The following CLPTM1 variants were observed in gnomAD, a reference collection of about 807,000 sequenced individuals.
The protein encoded by CLPTM1 is CLPTM1 regulator of GABA type A receptor forward trafficking.
A neutral mutation model predicts 77.3 loss-of-function variants in CLPTM1; 21 were observed. The observed-to-expected ratio is 0.27, with a 90% CI of 0.19 to 0.39. The LOEUF (loss-of-function observed/expected upper bound fraction) is 0.39, where lower values mean the gene tolerates loss of function less well. CLPTM1 is among the 10% of genes least tolerant of loss of function. The pLI, the probability that CLPTM1 is intolerant of heterozygous loss-of-function variation, is 1.00. For missense variants in CLPTM1, 642 were observed against 921.2 expected (o/e 0.70, Z 3.92); for synonymous variants, 373 against 381.0 (o/e 0.98, Z 0.24).
intron 8 of CLPTM1, 52 bp from the exon 9 acceptor site, chr19:44,988,028 G>C (rs1971009023): frequency 1.4e-6 from 2 of 1,382,050 alleles, no homozygotes; most frequent in Admixed American, 1.7e-5. Context: ...ACAAAAGCTA[G>C]TGAAGGTGCT....
At chr19:44,954,726 A>G, upstream of CLPTM1, 1 of 1,236,872 alleles carries the variant, frequency 8.1e-7, no homozygotes, top group South Asian at 2.1e-5. Context: ...GGGAACGCGC[A>G]TGCGTGCTAG....
intron 5 of CLPTM1, among the ~76,000 whole-genome samples, chr19:44,979,738 G>A (rs1037838831): frequency 5.9e-5 from 9 of 152,182 alleles, no homozygotes; most frequent in East Asian, 3.9e-4. Context: ...TGTCCCACCC[G>A]GCTGACGTCC....
intron 9 of CLPTM1, among the ~76,000 whole-genome samples, chr19:44,989,450 G>C (rs911998848): frequency 1.3e-5 from 2 of 150,552 alleles, no homozygotes; most frequent in African/African-American, 4.9e-5. Flanking sequence ...CTGCTCCCAC[G>C]AGAACCCACC....
Position 44,955,428 on chromosome 19 carries a change from C to T in CLPTM1, c.33C>T (p.Arg11=), listed in dbSNP as rs1268754035. The T allele has an allele frequency of 6.7e-6, 9 of 1,337,548 alleles. No individual in the cohort carries two copies. The highest frequency in any genetic ancestry group is 2.8e-4 in the Middle Eastern group (1 of 3,584). 82.9% of individuals were successfully genotyped at this position (1,337,548 alleles called of 1,614,324 possible). Reference sequence around the variant, plus strand: ...CGGCGCAGGAGGCGGACGGGGCCCGCAGCGCCGTGGTGGCGGCCGGGGGAG... The same window carrying T: ...CGGCGCAGGAGGCGGACGGGGCCCGTAGCGCCGTGGTGGCGGCCGGGGGAG... MAAAQEADGA[R]SAVVAAGGGS... is the part of the protein sequence containing the mutation. The change falls in exon 1 of 14, where the codon CGC becomes CGT. Residue 11 remains arginine (R), a synonymous_variant. Coordinates refer to ENST00000337392, the MANE Select transcript of CLPTM1 (RefSeq NM_001294.4).
chr19:44,975,535 T>C (rs1970792479), intron 4 of CLPTM1, among the ~76,000 whole-genome samples: 1 of 152,134 alleles, frequency 6.6e-6, no homozygotes, highest in Non-Finnish European at 1.5e-5. Context: ...AGAAGCAGAA[T>C]GTGGACACAG....
chr19:44,975,569 T>TG (rs1463541093), intron 4 of CLPTM1, among the ~76,000 whole-genome samples: 16 of 151,934 alleles, frequency 1.1e-4, no homozygotes, highest in African/African-American at 3.9e-4. Context: ...TTTTTTTGTT[T>TG]TTTGTTTTTT....
chr19:44,969,648 G>T (rs927997137), intron 2 of CLPTM1, among the ~76,000 whole-genome samples: 12 of 150,128 alleles, frequency 8.0e-5, no homozygotes, highest in Admixed American at 5.3e-4. Context: ...CAGGAGAGAA[G>T]AATAAATCAA....
At chr19:44,955,830 T>C (rs1473545604) in intron 1 of CLPTM1, 1 of 224,984 alleles carries the variant, frequency 4.4e-6, no homozygotes, top group East Asian at 8.9e-5. Flanking sequence ...GGTCTCGTTG[T>C]AGTGTTTGAG....
rs142360429 is a variant in CLPTM1 at position 44,990,579 on chromosome 19, C to G, written c.1317C>G (p.Asp439Glu). ...TCTGGAAGATCACCAAGGTCATGGA[C>G]GTCCGGGTAAGGCTGGGGCGCCATG... ...IDLWKITKVM[D>E]VRLDREHRVA... Residue 439 changes from aspartate (D) to glutamate (E), a missense_variant, in exon 10 of 14, where the codon GAC (aspartate) becomes GAG (glutamate). Asp to Glu is a conservative substitution (Grantham distance 45). Around this residue, in one of 2 missense-constraint regions of CLPTM1, gnomAD observed 521 missense variants for 800.4 expected, o/e 0.65. Transcript: ENST00000337392. This position sits in a 1 kb window ranked among gnomAD's most constrained non-coding sequence, Gnocchi z 4.8. 6.2e-7 allele frequency: 1 copy of G among 1,613,402 alleles called. No individual in the cohort carries two copies. Among genetic ancestry groups the G allele is most frequent in the Non-Finnish European group, 8.5e-7 (1 of 1,179,652 alleles).
At position 44,990,137 on chromosome 19, in the gene CLPTM1, T is replaced by G; in HGVS notation, c.1133-258T>G. The G allele has an allele frequency of 1.9e-6, 1 of 515,316 alleles. No individual in the cohort carries two copies. Among genetic ancestry groups the G allele is most frequent in the Non-Finnish European group, 3.5e-6 (1 of 288,474 alleles). 31.9% of individuals were successfully genotyped at this position (515,316 alleles called of 1,614,324 possible). On this transcript the variant is annotated intron_variant, in intron 9 of 13. Transcript: ENST00000337392. This position sits in a 1 kb window ranked among gnomAD's most constrained non-coding sequence, Gnocchi z 4.8. ...TGGCACCAGTCACCGTCACCATCAG[T>G]CAAGGGACTGCACCTTGGGGTGCTG... is the stretch of plus-strand genomic sequence containing the variant.
At chr19:44,979,994 G>A (rs1184349759) in intron 5 of CLPTM1, among the ~76,000 whole-genome samples, 1 of 152,130 alleles carries the variant, frequency 6.6e-6, no homozygotes, top group Non-Finnish European at 1.5e-5. Flanking sequence ...CTGCAGTTTT[G>A]TCTTTGGTGA....
At chr19:44,971,867 C>CTTTTTTTTTTTTTTTTTTTTT (rs10693027) in intron 2 of CLPTM1, among the ~76,000 whole-genome samples, 1 of 83,288 alleles carries the variant, frequency 1.2e-5, no homozygotes. Flanking sequence ...CCCAATTATA[C>CTTTTTTTTTTTTTTTTTTTTT]TTTTTTTTTT....
chr19:44,986,968 C>T, intron 7 of CLPTM1: 2 of 621,970 alleles, frequency 3.2e-6, no homozygotes, highest in South Asian at 4.1e-5. Flanking sequence ...GCCACAGCTG[C>T]CCCCTTCAGT....
chr19:44,991,400 GAGC>G lies in CLPTM1; in HGVS notation c.1555+30_1555+32del, dbSNP rs1971073581. 1 of 1,605,122 alleles carries G rather than the reference GAGC, an allele frequency of 6.2e-7. No individual in the cohort carries two copies. Among genetic ancestry groups the G allele is most frequent in the African/African-American group, 1.3e-5 (1 of 74,872 alleles). On this transcript the variant is annotated intron_variant, in intron 12 of 13. Transcript: ENST00000337392. This position sits in a 1 kb window ranked among gnomAD's most constrained non-coding sequence, Gnocchi z 5.4. ...TGAGCGGTCCGGCCGCCCCAGGAGA[GAGC>G]AGGCCCCATGCTGCGCAGGGCTCAC... is the stretch of plus-strand genomic sequence containing the variant.
chr19:44,980,547 A>G (rs76768005), intron 5 of CLPTM1, among the ~76,000 whole-genome samples: 1,633 of 150,606 alleles, frequency 0.011, 26 homozygotes, highest in African/African-American at 0.037. Context: ...AGCCCCTTTT[A>G]TCCCCAAGAG....
chr19:44,986,796 G>A (rs1003226165), intron 7 of CLPTM1: 9 of 567,486 alleles, frequency 1.6e-5, no homozygotes, highest in South Asian at 1.2e-4. Context: ...GCATCGGTCC[G>A]CAATCAAGTG....
intron 7 of CLPTM1, 42 bp from the exon 8 acceptor site, chr19:44,987,137 T>G: frequency 1.3e-6 from 2 of 1,581,810 alleles, no homozygotes; most frequent in Non-Finnish European, 8.6e-7. Flanking sequence ...TACCCTGGCC[T>G]CCTGCCCGGG....
chr19:44,961,709 G>A (rs1970545933), intron 1 of CLPTM1, among the ~76,000 whole-genome samples: 1 of 152,148 alleles, frequency 6.6e-6, no homozygotes, highest in Non-Finnish European at 1.5e-5. Context: ...CCCCCACCGG[G>A]CTGTTAAACC....
At chr19:44,973,761 G>GTTTTTTTGTTTTTGTTTTT (rs1970759097) in intron 3 of CLPTM1, among the ~76,000 whole-genome samples, 6 of 62,458 alleles carry the variant, frequency 9.6e-5, no homozygotes, top group African/African-American at 2.7e-4. Flanking sequence ...GTCACAGTGG[G>GTTTTTTTGTTTTTGTTTTT]TTTTTTTTTT....
Sources: gnomAD v4.1 joint callset for allele counts (sites outside exome capture counted in the v4.1 genomes callset) on GRCh38, gnomAD v4.1.1 for gene constraint, gnomAD v4.1.1 regional missense constraint, Gnocchi (gnomAD v3.1) non-coding constraint, MANE v1.5 for transcripts, NCBI Gene and HGNC (gene_info 2026-07-23, HGNC 2026-07-21) for gene names.